Variants in PTK2 observed in about 807,000 individuals in gnomAD.
PTK2 encodes the protein protein tyrosine kinase 2, also known as focal adhesion kinase 1.
Under a neutral mutation model 150.1 loss-of-function variants are expected in PTK2, and 45 were observed. That is an observed-to-expected ratio of 0.30 (90% confidence interval 0.24 to 0.38). The LOEUF (loss-of-function observed/expected upper bound fraction) is 0.38. PTK2 is among the 10% of genes least tolerant of loss of function. The pLI is 1.00. For synonymous variants in PTK2, 432 were observed against 449.2 expected (o/e 0.96, Z 0.48); for missense variants, 919 against 1,307.3 (o/e 0.70, Z 4.58).
At chr8:140,928,135 C>T (rs562544079) in intron 1 of PTK2, among the ~76,000 whole-genome samples, 4 of 151,636 alleles carry the variant, frequency 2.6e-5, no homozygotes, top group African/African-American at 9.7e-5. Context: ...CAATTTCCCT[C>T]CCGTATGCTT....
rs545761352 is a variant in PTK2, at chr8:140,810,560, C to T, written c.868-6910G>A. ...CTCCATTGCCACACACCAGCCCACC[C>T]GCTCCTTCCTCACACTGCAGGTTCC... On this transcript the variant is annotated intron_variant, in intron 10 of 31. Transcript: ENST00000522684. 1.3e-3 allele frequency among the ~76,000 whole-genome samples: 191 copies of T among 152,314 alleles called. 1 individual carries two copies. Among genetic ancestry groups the T allele is most frequent in the African/African-American group, 4.5e-3 (185 of 41,560 alleles).
intron 27 of PTK2, among the ~76,000 whole-genome samples, chr8:140,684,387 A>G (rs1241968141): frequency 6.6e-6 from 1 of 152,264 alleles, no homozygotes; most frequent in Non-Finnish European, 1.5e-5. Context: ...GGAAGAGCTC[A>G]GGCATTAATG....
chr8:140,760,052 T>A lies in PTK2; in HGVS notation c.1332+1113A>T, dbSNP rs187236445. Among the ~76,000 whole-genome samples, 138 of 151,830 alleles carry A rather than the reference T, an allele frequency of 9.1e-4. 1 individual carries two copies. The highest frequency in any genetic ancestry group is 2.0e-3 in the Admixed American group (30 of 15,226). ...TCCTGGCCAACATGGTGAAACCCCG[T>A]CTCTACTAAAAAAACAAAAATTAGC... On this transcript the variant is annotated intron_variant, in intron 16 of 31. Coordinates refer to ENST00000522684, the Ensembl canonical transcript of PTK2.
intron 4 of PTK2, among the ~76,000 whole-genome samples, chr8:140,875,968 T>C (rs933549549): frequency 2.6e-5 from 4 of 152,258 alleles, no homozygotes; most frequent in South Asian, 2.1e-4. Flanking sequence ...TTGGTGATAA[T>C]AGCTTGTATT....
chr8:140,997,974 T>C (rs923213825), intron 1 of PTK2, among the ~76,000 whole-genome samples: 2 of 152,198 alleles, frequency 1.3e-5, no homozygotes, highest in Non-Finnish European at 2.9e-5. Flanking sequence ...TTTAGACATG[T>C]TACTGCACAC....
intron 5 of PTK2, among the ~76,000 whole-genome samples, chr8:140,858,124 A>G (rs1050740903): frequency 6.6e-6 from 1 of 152,244 alleles, no homozygotes; most frequent in Admixed American, 6.5e-5. Flanking sequence ...AAAAAAATCA[A>G]CAAATGCACC....
chr8:140,842,493 C>A (rs2100122934), intron 7 of PTK2, among the ~76,000 whole-genome samples: 1 of 152,036 alleles, frequency 6.6e-6, no homozygotes, highest in Non-Finnish European at 1.5e-5. Context: ...TCATCTAACT[C>A]CTTACGACAA....
At chr8:140,807,075 G>C (rs146128452) in intron 10 of PTK2, among the ~76,000 whole-genome samples, 1 of 152,244 alleles carries the variant, frequency 6.6e-6, no homozygotes, top group Non-Finnish European at 1.5e-5. Flanking sequence ...CAAGGAAGCA[G>C]GGCCATGCCT....
chr8:140,940,425 G>A (rs1251610348), intron 1 of PTK2: 2 of 152,142 alleles, frequency 1.3e-5, no homozygotes, highest in Non-Finnish European at 2.9e-5. Context: ...CTCCAGTCTG[G>A]GTGACAAAGC....
intron 29 of PTK2, chr8:140,670,031 A>G (rs1234609492): frequency 5.4e-6 from 2 of 367,116 alleles, no homozygotes; most frequent in African/African-American, 4.1e-5. Context: ...ATCCAGCAGC[A>G]GTGCAAGGTC....
At chr8:140,805,401 A>G (rs2100097622) in intron 10 of PTK2, among the ~76,000 whole-genome samples, 1 of 152,084 alleles carries the variant, frequency 6.6e-6, no homozygotes, top group Admixed American at 6.5e-5. Context: ...ACTACTAAAA[A>G]TACAAAAATT....
At chr8:140,809,907 A>G (rs2154601003) in intron 10 of PTK2, among the ~76,000 whole-genome samples, 1 of 152,382 alleles carries the variant, frequency 6.6e-6, no homozygotes, top group East Asian at 1.9e-4. Flanking sequence ...GTCTTTAAAC[A>G]ACATGCAATT....
intron 14 of PTK2, chr8:140,765,143 GTATAAGGATT>G (rs1432417793): frequency 6.6e-6 from 1 of 152,200 alleles, no homozygotes; most frequent in Admixed American, 6.5e-5. Flanking sequence ...GCTGCTCCAT[GTATAAGGATT>G]TTAACTGCTG....
At chr8:140,984,352 G>A (rs2100192541) in intron 1 of PTK2, among the ~76,000 whole-genome samples, 1 of 152,056 alleles carries the variant, frequency 6.6e-6, no homozygotes, top group Non-Finnish European at 1.5e-5. Context: ...CTAAGACTCA[G>A]TGCCACCTTG....
At chr8:140,986,882 T>G (rs1226680079) in intron 1 of PTK2, among the ~76,000 whole-genome samples, 1 of 151,984 alleles carries the variant, frequency 6.6e-6, no homozygotes, top group African/African-American at 2.4e-5. Flanking sequence ...GAAAATTAAA[T>G]CATAAACCTA....
intron 23 of PTK2, among the ~76,000 whole-genome samples, chr8:140,707,357 T>TA (rs905773762): frequency 7.9e-5 from 12 of 152,172 alleles, no homozygotes; most frequent in Admixed American, 6.5e-4. Flanking sequence ...ACAAAAGTCC[T>TA]AAAACTGGTT....
chr8:140,735,050 A>C, intron 22 of PTK2: 1 of 601,700 alleles, frequency 1.7e-6, no homozygotes, highest in East Asian at 2.8e-5. Flanking sequence ...AGCTTTATTA[A>C]AATTTTAAAG....
At chr8:140,790,473 G>C (rs987755037) in intron 13 of PTK2, among the ~76,000 whole-genome samples, 1 of 152,160 alleles carries the variant, frequency 6.6e-6, no homozygotes, top group African/African-American at 2.4e-5. Flanking sequence ...CTTTGTTCAT[G>C]AAACAAATAT....
chr8:140,783,407 C>T (rs760399073), intron 14 of PTK2, among the ~76,000 whole-genome samples: 1 of 152,124 alleles, frequency 6.6e-6, no homozygotes, highest in Non-Finnish European at 1.5e-5. Flanking sequence ...GAAAATATTA[C>T]GAAGACTCTC....
Sources: gnomAD v4.1 joint callset for allele counts (sites outside exome capture counted in the v4.1 genomes callset) on GRCh38, gnomAD v4.1.1 for gene constraint, MANE v1.5 for transcripts, NCBI Gene and HGNC (gene_info 2026-07-23, HGNC 2026-07-21) for gene names.